AJAP1: variants seen among roughly 807,000 people sequenced by gnomAD.
AJAP1 encodes adherens junctions associated protein 1, also known as adherens junction-associated protein 1.
AJAP1 carries 5 observed loss-of-function variants against 35.0 expected under a neutral mutation model. The ratio of observed to expected loss-of-function variants is 0.14; its 90% confidence interval spans 0.07 to 0.30. The LOEUF is 0.30. Among genes scored for constraint, AJAP1 ranks in the 10% least tolerant of loss-of-function variants. The pLI is 1.00. For missense variants in AJAP1, 586 were observed against 571.0 expected (o/e 1.03, Z -0.27); for synonymous variants, 284 against 249.3 (o/e 1.14, Z -1.31).
At position 4,712,287 on chromosome 1, in the gene AJAP1, C is replaced by T. The variant is rs562589799; in HGVS notation, c.417C>T (p.Ser139=). The change falls in exon 2 of 6, where the codon TCC becomes TCT. Residue 139 remains serine (S), a synonymous_variant. Coordinates refer to ENST00000378191, the MANE Select transcript of AJAP1 (RefSeq NM_018836.4). ...SLASSSSSSS[S]AVAGGAPEQQ... Reference sequence around the variant, plus strand: ...CCTCTTCGTCCTCGTCCTCGTCCTCCGCGGTGGCCGGTGGGGCCCCGGAGC... The same window carrying T: ...CCTCTTCGTCCTCGTCCTCGTCCTCTGCGGTGGCCGGTGGGGCCCCGGAGC... The T allele has an allele frequency of 1.2e-4, 184 of 1,503,198 alleles. No homozygotes were observed. Among genetic ancestry groups the T allele is most frequent in the Non-Finnish European group, 1.5e-4 (169 of 1,128,610 alleles). The allele number at this position is 1,503,198 out of a possible 1,614,324, so 93.1% of individuals were successfully genotyped here.
At chr1:4,664,861 C>T (rs1012320110) in intron 1 of AJAP1, among the ~76,000 whole-genome samples, 2 of 152,098 alleles carry the variant, frequency 1.3e-5, no homozygotes, top group African/African-American at 4.8e-5. Context: ...CAATCACCCA[C>T]GGATGGTGCC....
In AJAP1 at chr1:4,787,894, A is replaced by G. The variant is rs932997049; in HGVS notation, c.*5409A>G. On this transcript the variant is annotated 3_prime_UTR_variant, in exon 6 of 6. Transcript: ENST00000378191. Reference sequence around the variant, plus strand: ...CTTAGTGGCATCCTTCTTAAACAGCATCTGCTTTTAAGTAAGCAGCTATTC... The same window carrying G: ...CTTAGTGGCATCCTTCTTAAACAGCGTCTGCTTTTAAGTAAGCAGCTATTC... The G allele has an allele frequency of 2.7e-6, 1 of 365,272 alleles. No homozygotes were observed. Among genetic ancestry groups the G allele is most frequent in the Non-Finnish European group, 5.6e-6 (1 of 179,918 alleles). The allele number at this position is 365,272 out of a possible 1,614,324, so 22.6% of individuals were successfully genotyped here. A position where few individuals can be genotyped will look rare whatever the true frequency, so the allele number is the denominator to read the frequency against.
In AJAP1 at chr1:4,771,384, C is replaced by A. The variant is rs374523090; in HGVS notation, c.918-896C>A. Among the ~76,000 whole-genome samples, 11 of 152,186 alleles carry A rather than the reference C, an allele frequency of 7.2e-5. No individual in the cohort carries two copies. In the East Asian group the frequency reaches 7.7e-4, roughly 11 times the overall value. On this transcript the variant is annotated intron_variant, in intron 3 of 5. Coordinates refer to ENST00000378191, the MANE Select transcript of AJAP1 (RefSeq NM_018836.4). ...AAGACTTAGAAGGAGACGGGCGCATCCCCCCTGCCCCTTGCCTTCGTGCAG... is the reference window on the plus strand; with the variant it reads ...AAGACTTAGAAGGAGACGGGCGCATACCCCCTGCCCCTTGCCTTCGTGCAG...
At chr1:4,696,791 A>G (rs1008716151) in intron 1 of AJAP1, among the ~76,000 whole-genome samples, 11 of 152,046 alleles carry the variant, frequency 7.2e-5, no homozygotes, top group Non-Finnish European at 1.5e-4. Context: ...TTCTGTGTGC[A>G]TGTGTGTCTC....
intron 1 of AJAP1, among the ~76,000 whole-genome samples, chr1:4,666,942 G>A (rs1264607020): frequency 4.0e-5 from 6 of 150,578 alleles, no homozygotes; most frequent in Non-Finnish European, 7.4e-5. Context: ...GCGGAGAGGG[G>A]CCCATGAATC....
intron 1 of AJAP1, among the ~76,000 whole-genome samples, chr1:4,699,187 G>T (rs1270050597): frequency 1.3e-5 from 2 of 152,136 alleles, no homozygotes; most frequent in African/African-American, 2.4e-5. Context: ...CTGATGCTCT[G>T]CCCAAACCCA....
chr1:4,686,239 A>G (rs1639601520), intron 1 of AJAP1, among the ~76,000 whole-genome samples: 2 of 152,160 alleles, frequency 1.3e-5, no homozygotes, highest in Admixed American at 6.5e-5. Flanking sequence ...CAGTCATCAC[A>G]AATTACCACG....
At chr1:4,733,994 C>G (rs146510809) in intron 2 of AJAP1, among the ~76,000 whole-genome samples, 1 of 152,182 alleles carries the variant, frequency 6.6e-6, no homozygotes, top group Non-Finnish European at 1.5e-5. Flanking sequence ...GTGTGTGCGT[C>G]GCGAGCAGGG....
At chr1:4,742,256 C>A (rs1012090001) in intron 2 of AJAP1, among the ~76,000 whole-genome samples, 1 of 152,196 alleles carries the variant, frequency 6.6e-6, no homozygotes, top group African/African-American at 2.4e-5. Flanking sequence ...AGTAAAAGGA[C>A]AGATCAGCTC....
At chr1:4,685,735 G>A (rs1639590524) in intron 1 of AJAP1, among the ~76,000 whole-genome samples, 1 of 152,196 alleles carries the variant, frequency 6.6e-6, no homozygotes, top group Admixed American at 6.5e-5. Context: ...GGGGGTCCAT[G>A]GGGGACCTTC....
intron 1 of AJAP1, among the ~76,000 whole-genome samples, chr1:4,689,098 G>C (rs1019165465): frequency 6.6e-6 from 1 of 152,120 alleles, no homozygotes; most frequent in South Asian, 2.1e-4. Flanking sequence ...ACCGTAGCCT[G>C]CGGCTTCGGT....
At chr1:4,657,063 C>A (rs1044696226) in intron 1 of AJAP1, among the ~76,000 whole-genome samples, 1 of 152,210 alleles carries the variant, frequency 6.6e-6, no homozygotes, top group African/African-American at 2.4e-5. Context: ...GCTTCCTGAG[C>A]TGCCACTTGA....
In AJAP1 at chr1:4,734,414, C is replaced by T. The variant is rs917538028; in HGVS notation, c.829+21715C>T. Among the ~76,000 whole-genome samples the T allele has an allele frequency of 1.3e-5, 2 of 152,156 alleles. No individual in the cohort carries two copies. Among genetic ancestry groups the T allele is most frequent in the African/African-American group, 2.4e-5 (1 of 41,436 alleles). ...CTTAAATCAGCAGAGGCAGAGGCCC[C>T]GAGAGGTTAAGTGACTTGCCTGAGG... On this transcript the variant is annotated intron_variant, in intron 2 of 5. Coordinates refer to ENST00000378191, the MANE Select transcript of AJAP1 (RefSeq NM_018836.4). This position sits in a 1 kb window ranked among gnomAD's most constrained non-coding sequence, Gnocchi z 4.3.
In AJAP1 at chr1:4,697,895, G is replaced by A. The variant is rs116051281; in HGVS notation, c.30-14005G>A. On this transcript the variant is annotated intron_variant, in intron 1 of 5. Transcript: ENST00000378191. Reference sequence around the variant, plus strand: ...CAGGGCAGCGTTCCAGTGGCCGGAGGAGAAGCAAGAGCCAAGGGGACCGCT... The same window carrying A: ...CAGGGCAGCGTTCCAGTGGCCGGAGAAGAAGCAAGAGCCAAGGGGACCGCT... Among the ~76,000 whole-genome samples the A allele has an allele frequency of 8.0e-4, 122 of 152,372 alleles. 2 individuals are homozygous for A. Among genetic ancestry groups the A allele is most frequent in the African/African-American group, 2.8e-3 (116 of 41,598 alleles).
At chr1:4,665,089 T>C (rs1043760754) in intron 1 of AJAP1, among the ~76,000 whole-genome samples, 2 of 151,882 alleles carry the variant, frequency 1.3e-5, no homozygotes, top group African/African-American at 4.8e-5. Context: ...TGGTTTTCAG[T>C]CGACGCCCCC....
In AJAP1 at chr1:4,692,316, C is replaced by T. The variant is rs958357596; in HGVS notation, c.30-19584C>T. On this transcript the variant is annotated intron_variant, in intron 1 of 5. Transcript: ENST00000378191. The surrounding 1 kb of genome is among the most constrained non-coding windows in gnomAD (Gnocchi z 4.4). ...ACCCCGCGCCCTGGGCTGCTCTCCT[C>T]TCTCCGTCTCTGGGCCCCTCATGCA... Among the ~76,000 whole-genome samples the T allele has an allele frequency of 3.9e-5, 6 of 152,180 alleles. No individual in the cohort carries two copies. The highest frequency in any genetic ancestry group is 1.9e-4 in the East Asian group (1 of 5,170).
Position 4,786,082 on chromosome 1 carries a change from G to A in AJAP1, c.*3597G>A, listed in dbSNP as rs1480725569. The A allele has an allele frequency of 6.6e-6, 1 of 152,172 alleles. No homozygotes were observed. Among genetic ancestry groups the A allele is most frequent in the African/African-American group, 2.4e-5 (1 of 41,430 alleles). 9.4% of individuals were successfully genotyped at this position (152,172 alleles called of 1,614,324 possible). ...AGGCAGGGTTCTCCAGGCATGGTCA[G>A]GGAGCTTCCCCACCGTTTCCCATTG... On this transcript the variant is annotated 3_prime_UTR_variant, in exon 6 of 6. Transcript: ENST00000378191.
intron 5 of AJAP1, among the ~76,000 whole-genome samples, chr1:4,776,032 A>G (rs927659956): frequency 6.6e-6 from 1 of 152,094 alleles, no homozygotes; most frequent in Non-Finnish European, 1.5e-5. Flanking sequence ...AAAATTTGTT[A>G]ATGCACAATT....
chr1:4,765,906 G>T lies in AJAP1; in HGVS notation c.830-3947G>T, dbSNP rs1291194731. Among the ~76,000 whole-genome samples the T allele has an allele frequency of 2.6e-5, 4 of 152,136 alleles. No homozygotes were observed. In the South Asian group the frequency reaches 8.3e-4, roughly 32 times the overall value. On this transcript the variant is annotated intron_variant, in intron 2 of 5. Transcript: ENST00000378191. The stretch of plus-strand genomic sequence containing the variant: ...CCCAGCCATAAACTAGAGGCTGTGG[G>T]TCTCTCTGAAACCACCTTGACAGTG...
Sources: allele counts gnomAD v4.1 joint callset (sites outside exome capture counted in the v4.1 genomes callset), GRCh38; gene constraint gnomAD v4.1.1; non-coding constraint Gnocchi (gnomAD v3.1); transcripts MANE v1.5; gene names NCBI Gene and HGNC (gene_info 2026-07-23, HGNC 2026-07-21).